The following SLX4IP variants were observed in gnomAD, a reference collection of about 807,000 sequenced individuals.
SLX4IP encodes the protein SLX4 interacting protein, also known as protein SLX4IP.
Under a neutral mutation model 32.9 loss-of-function variants are expected in SLX4IP, and 34 were observed. The observed-to-expected ratio is 1.03, with a 90% CI of 0.79 to 1.38. The LOEUF (loss-of-function observed/expected upper bound fraction) is 1.38, where lower values mean the gene tolerates loss of function less well. SLX4IP is among the 40% of genes most tolerant of loss of function. SLX4IP has a pLI of 0.00. For missense variants in SLX4IP, 444 were observed against 479.0 expected, an observed-to-expected ratio of 0.93 and a Z score of 0.68; for synonymous variants, 172 against 171.7, an observed-to-expected ratio of 1.00 and a Z score of -0.01.
intron 3 of SLX4IP, among the ~76,000 whole-genome samples, chr20:10,559,238 T>C (rs2066304756): frequency 6.6e-6 from 1 of 152,232 alleles, no homozygotes; most frequent in Non-Finnish European, 1.5e-5. Context: ...ACTGCATCTT[T>C]AGGCTGCAAC....
rs1197867360 is a variant in SLX4IP at position 10,621,432 on chromosome 20, C to T, written c.506+18C>T. ...AAAGAAATGTAGGTGCAATGTGTTT[C>T]CTTTTTCTCATTTTTGCCTGTCTCT... On this transcript the variant is annotated intron_variant, in intron 7 of 7. Coordinates refer to ENST00000334534, the MANE Select transcript of SLX4IP (RefSeq NM_001009608.3). 6.2e-7 allele frequency: 1 copy of T among 1,610,476 alleles called. No homozygotes were observed. The highest frequency in any genetic ancestry group is 1.7e-5 in the Admixed American group (1 of 59,970).
At chr20:10,530,741 GAA>G (rs1328948126) in intron 2 of SLX4IP, among the ~76,000 whole-genome samples, 2 of 151,662 alleles carry the variant, frequency 1.3e-5, no homozygotes, top group African/African-American at 4.8e-5. Context: ...ATTATAAAAA[GAA>G]AATTAATTTT....
At chr20:10,571,861 C>G (rs1217771899) in intron 4 of SLX4IP, among the ~76,000 whole-genome samples, 1 of 152,178 alleles carries the variant, frequency 6.6e-6, no homozygotes, top group Admixed American at 6.5e-5. Context: ...CTGTGAATTA[C>G]AAATTATTGA....
intron 2 of SLX4IP, among the ~76,000 whole-genome samples, chr20:10,501,348 C>G (rs765827772): frequency 2.0e-5 from 3 of 152,056 alleles, no homozygotes; most frequent in Middle Eastern, 3.2e-3. Flanking sequence ...CCCCTCCCCC[C>G]ACAGTCTATC....
chr20:10,454,232 G>A (rs771310713), intron 1 of SLX4IP, among the ~76,000 whole-genome samples: 5 of 152,184 alleles, frequency 3.3e-5, no homozygotes, highest in Admixed American at 6.5e-5. Flanking sequence ...GCATATGGGT[G>A]TGGGGCTTAT....
intron 4 of SLX4IP, 50 bp downstream of exon 4, chr20:10,560,870 C>T (rs766755120): frequency 1.8e-5 from 27 of 1,505,154 alleles, no homozygotes; most frequent in East Asian, 2.4e-5. Flanking sequence ...AGAATTTCTG[C>T]TCCGTAGAGA....
At position 10,627,417 on chromosome 20, in the gene SLX4IP, A is replaced by G. The variant is rs2067185714; in HGVS notation, c.*4038A>G. The stretch of plus-strand genomic sequence containing the variant: ...AAATAAATTAAGCATTGTAAAACGA[A>G]GTTAATTCAGGTAATTACTCAGTAC... On this transcript the variant is annotated 3_prime_UTR_variant, in exon 8 of 8. Transcript: ENST00000334534. 1 of 152,258 alleles carries G rather than the reference A, an allele frequency of 6.6e-6. No homozygotes were observed. Among genetic ancestry groups the G allele is most frequent in the Non-Finnish European group, 1.5e-5 (1 of 68,044 alleles). 9.4% of individuals were successfully genotyped at this position (152,258 alleles called of 1,614,324 possible).
At chr20:10,517,835 C>T (rs544134566) in intron 2 of SLX4IP, among the ~76,000 whole-genome samples, 12 of 152,238 alleles carry the variant, frequency 7.9e-5, no homozygotes, top group African/African-American at 2.6e-4. Flanking sequence ...TTCTCTAGGC[C>T]TTCATTAGTT....
intron 2 of SLX4IP, among the ~76,000 whole-genome samples, chr20:10,465,582 T>C (rs1245400957): frequency 6.6e-6 from 1 of 152,250 alleles, no homozygotes; most frequent in African/African-American, 2.4e-5. Context: ...CTTGGCTCAC[T>C]GCAACCTCTG....
rs150899786 is a variant in SLX4IP, at chr20:10,450,775, G to A, written c.-29-7401G>A. On this transcript the variant is annotated intron_variant, in intron 1 of 7. Transcript: ENST00000334534. ...GTGGTTTTTTTGTTTGTTTTGAGACGGAGTCTCGCTCTGTCGCCCAGGCTG... is the reference window on the plus strand; with the variant it reads ...GTGGTTTTTTTGTTTGTTTTGAGACAGAGTCTCGCTCTGTCGCCCAGGCTG... 7.9e-5 allele frequency among the ~76,000 whole-genome samples: 12 copies of A among 152,224 alleles called. 1 individual carries two copies. The highest frequency in any genetic ancestry group is 3.9e-4 in the East Asian group (2 of 5,162).
rs1226845372 is a variant in SLX4IP at position 10,625,553 on chromosome 20, T to C, written c.*2174T>C. On this transcript the variant is annotated 3_prime_UTR_variant, in exon 8 of 8. Coordinates refer to ENST00000334534, the MANE Select transcript of SLX4IP (RefSeq NM_001009608.3). ...ACTCTGGTATTGAGAAATTTTTATT[T>C]CATTAGCTAACCTGGGCTTGGTGGT... The C allele has an allele frequency of 6.6e-6, 1 of 152,244 alleles. No individual in the cohort carries two copies. Among genetic ancestry groups the C allele is most frequent in the Non-Finnish European group, 1.5e-5 (1 of 68,042 alleles). 9.4% of individuals were successfully genotyped at this position (152,244 alleles called of 1,614,324 possible). A position where few individuals can be genotyped will look rare whatever the true frequency, so the allele number is the denominator to read the frequency against.
At chr20:10,450,030 C>T (rs1243484650) in intron 1 of SLX4IP, among the ~76,000 whole-genome samples, 1 of 151,924 alleles carries the variant, frequency 6.6e-6, no homozygotes, top group African/African-American at 2.4e-5. Flanking sequence ...TAATATTAGC[C>T]ATCACAGTAA....
intron 2 of SLX4IP, among the ~76,000 whole-genome samples, chr20:10,548,189 CT>C (rs2066182731): frequency 6.6e-6 from 1 of 152,152 alleles, no homozygotes; most frequent in African/African-American, 2.4e-5. Context: ...GGTCTTTGGA[CT>C]TCCTGCACCA....
chr20:10,436,622 TG>T (rs1187705046), intron 1 of SLX4IP, among the ~76,000 whole-genome samples: 1 of 152,208 alleles, frequency 6.6e-6, no homozygotes, highest in African/African-American at 2.4e-5. Flanking sequence ...TCCAAAGTCC[TG>T]GGATCACAGG....
chr20:10,488,032 T>C (rs2122391611), intron 2 of SLX4IP, among the ~76,000 whole-genome samples: 2 of 151,778 alleles, frequency 1.3e-5, no homozygotes, highest in South Asian at 4.2e-4. Context: ...AGAAATCTTA[T>C]GAATAAGAAA....
intron 4 of SLX4IP, among the ~76,000 whole-genome samples, chr20:10,582,043 G>A (rs1258862673): frequency 6.6e-6 from 1 of 152,092 alleles, no homozygotes; most frequent in Admixed American, 6.5e-5. Context: ...TGGGAAATGT[G>A]GCATAATAAA....
At chr20:10,452,680 A>AATATATATATATATATATATATATATAT (rs1280513421) in intron 1 of SLX4IP, among the ~76,000 whole-genome samples, 1 of 109,500 alleles carries the variant, frequency 9.1e-6, no homozygotes, top group African/African-American at 3.5e-5. Context: ...AAAAAAAAAA[A>AATATATATATATATATATATATATATAT]ATATATATAT....
At chr20:10,582,159 G>A (rs983977970) in intron 4 of SLX4IP, among the ~76,000 whole-genome samples, 3 of 152,136 alleles carry the variant, frequency 2.0e-5, no homozygotes, top group Non-Finnish European at 4.4e-5. Context: ...GGAATGACAG[G>A]GCTGTGTGTA....
intron 2 of SLX4IP, among the ~76,000 whole-genome samples, chr20:10,524,540 T>C (rs903418953): frequency 1.3e-5 from 2 of 152,246 alleles, no homozygotes; most frequent in South Asian, 2.1e-4. Context: ...AGAGGTTTAA[T>C]TGGAAATTCA....
Sources: gnomAD v4.1 joint callset for allele counts (sites outside exome capture counted in the v4.1 genomes callset) on GRCh38, gnomAD v4.1.1 for gene constraint, MANE v1.5 for transcripts, NCBI Gene and HGNC (gene_info 2026-07-23, HGNC 2026-07-21) for gene names.